The following CALN1 variants were observed in gnomAD, a reference collection of about 807,000 sequenced individuals.
The protein encoded by CALN1 is calcium-binding protein 8.
CALN1 carries 17 observed loss-of-function variants against 30.6 expected under a neutral mutation model. That is an observed-to-expected ratio of 0.56 (90% CI 0.38 to 0.83). CALN1 has a LOEUF of 0.83. Among genes scored for constraint, CALN1 ranks in the 40% least tolerant of loss-of-function variants. The pLI is 0.00. For synonymous variants in CALN1, 156 were observed against 131.4 expected (o/e 1.19, Z -1.28); for missense variants, 291 against 354.9 (o/e 0.82, Z 1.45).
intron 5 of CALN1, among the ~76,000 whole-genome samples, chr7:72,000,094 C>T (rs1011199304): frequency 1.3e-5 from 2 of 151,886 alleles, no homozygotes; most frequent in South Asian, 2.1e-4. Flanking sequence ...AATCAATAAT[C>T]GAAGTTCCTA....
intron 4 of CALN1, among the ~76,000 whole-genome samples, chr7:72,061,175 G>A (rs753900441): frequency 1.2e-4 from 18 of 152,120 alleles, no homozygotes; most frequent in Non-Finnish European, 2.1e-4. Flanking sequence ...ATTCTCTGGA[G>A]GATTTAAAGA....
chr7:72,502,951 G>A, the CALN1 span, among the ~76,000 whole-genome samples: 15 of 152,196 alleles, frequency 9.9e-5, no homozygotes, highest in East Asian at 1.2e-3. Context: ...TCAGGAGTTC[G>A]AGACCAGCCT....
chr7:72,395,574 C>A (rs549925891), intron 2 of CALN1, among the ~76,000 whole-genome samples: 13 of 152,246 alleles, frequency 8.5e-5, no homozygotes, highest in African/African-American at 3.1e-4. Flanking sequence ...TATTGATGTT[C>A]TGAGGATCAT....
At chr7:72,158,415 C>T (rs1261522526) in intron 3 of CALN1, among the ~76,000 whole-genome samples, 1 of 152,124 alleles carries the variant, frequency 6.6e-6, no homozygotes, top group African/African-American at 2.4e-5. Context: ...TGAATGCCTC[C>T]CCCAAAATAT....
intron 3 of CALN1, among the ~76,000 whole-genome samples, chr7:72,107,006 G>A (rs1163648822): frequency 4.7e-5 from 7 of 149,332 alleles, no homozygotes; most frequent in African/African-American, 1.8e-4. Context: ...AAGAAAAATA[G>A]AAAGAAAGAA....
intron 5 of CALN1, among the ~76,000 whole-genome samples, chr7:71,905,351 C>T (rs1320373519): frequency 1.3e-5 from 2 of 151,072 alleles, no homozygotes; most frequent in Admixed American, 6.6e-5. Context: ...GTACCCATCA[C>T]CTGAGTAGTG....
chr7:72,335,860 C>G (rs943655024), intron 2 of CALN1, among the ~76,000 whole-genome samples: 2 of 152,218 alleles, frequency 1.3e-5, no homozygotes, highest in East Asian at 3.9e-4. Context: ...GGGCGTCCCC[C>G]GCTCGCCCTC....
At chr7:72,267,343 G>A (rs1796664332) in intron 3 of CALN1, among the ~76,000 whole-genome samples, 1 of 152,162 alleles carries the variant, frequency 6.6e-6, no homozygotes, top group African/African-American at 2.4e-5. Context: ...CCCCCCTCCT[G>A]GCATAAAGTC....
At chr7:71,810,896 CT>C (rs71092916) in intron 5 of CALN1, among the ~76,000 whole-genome samples, 1,627 of 139,062 alleles carry the variant, frequency 0.012, 34 homozygotes, top group African/African-American at 0.03. Context: ...AAGCATGTAT[CT>C]TTTTTTTTTT....
chr7:72,109,714 C>T (rs773149176), intron 3 of CALN1, among the ~76,000 whole-genome samples: 11 of 152,190 alleles, frequency 7.2e-5, no homozygotes, highest in Non-Finnish European at 1.3e-4. Context: ...GAGGACATGG[C>T]CTCATGTGGC....
At chr7:72,401,497 C>T (rs1243313103) in intron 2 of CALN1, among the ~76,000 whole-genome samples, 1 of 152,150 alleles carries the variant, frequency 6.6e-6, no homozygotes, top group Non-Finnish European at 1.5e-5. Flanking sequence ...TGCGCGCACA[C>T]AAATGTGTGA....
At chr7:72,444,840 A>G (rs1808472528) in intron 1 of CALN1, among the ~76,000 whole-genome samples, 3 of 152,176 alleles carry the variant, frequency 2.0e-5, no homozygotes, top group Admixed American at 2.0e-4. Flanking sequence ...TCAGCAGCCC[A>G]GGCTAGGTGC....
intron 4 of CALN1, among the ~76,000 whole-genome samples, chr7:72,037,190 A>G (rs1278659196): frequency 1.3e-5 from 2 of 151,172 alleles, no homozygotes; most frequent in Non-Finnish European, 2.9e-5. Context: ...TCGCACTGTC[A>G]CCCAGGCTGG....
intron 2 of CALN1, among the ~76,000 whole-genome samples, chr7:72,384,073 C>T (rs1416120991): frequency 6.6e-6 from 1 of 152,208 alleles, no homozygotes; most frequent in Non-Finnish European, 1.5e-5. Context: ...TAATAATCCC[C>T]ATTTCTTATG....
chr7:72,407,311 A>C (rs968438860), intron 1 of CALN1, among the ~76,000 whole-genome samples: 1 of 152,210 alleles, frequency 6.6e-6, no homozygotes, highest in African/African-American at 2.4e-5. Flanking sequence ...TTAGGCACAG[A>C]GCAGGTGCTA....
chr7:72,218,378 G>C (rs1324925209), intron 3 of CALN1, among the ~76,000 whole-genome samples: 1 of 152,016 alleles, frequency 6.6e-6, no homozygotes, highest in Non-Finnish European at 1.5e-5. Context: ...AACCCAGCAG[G>C]AGGAGGTTGC....
intron 3 of CALN1, among the ~76,000 whole-genome samples, chr7:72,257,042 T>C (rs1261907751): frequency 6.6e-6 from 1 of 152,164 alleles, no homozygotes; most frequent in African/African-American, 2.4e-5. Context: ...TTTAATTGAC[T>C]CACACTTCCA....
intron 2 of CALN1, among the ~76,000 whole-genome samples, chr7:72,400,887 T>C (rs2129561999): frequency 6.6e-6 from 1 of 152,222 alleles, no homozygotes; most frequent in African/African-American, 2.4e-5. Context: ...AATATGGCTC[T>C]GGGAGGTGTG....
At chr7:72,485,425 G>T in the CALN1 span, among the ~76,000 whole-genome samples, 1 of 152,176 alleles carries the variant, frequency 6.6e-6, no homozygotes. Flanking sequence ...ACAGAATTTA[G>T]AAAGTTTTTG....
Sources: allele counts gnomAD v4.1 joint callset (sites outside exome capture counted in the v4.1 genomes callset), GRCh38; gene constraint gnomAD v4.1.1; transcripts MANE v1.5; gene names NCBI Gene and HGNC (gene_info 2026-07-23, HGNC 2026-07-21).